The following MAGI1 variants were observed in gnomAD, a reference collection of about 807,000 sequenced individuals.
The protein encoded by MAGI1 is membrane associated guanylate kinase, WW and PDZ domain containing 1.
Under a neutral mutation model 139.9 loss-of-function variants are expected in MAGI1, and 58 were observed. That is an observed-to-expected ratio of 0.41 (90% CI 0.34 to 0.52). The LOEUF is 0.52. Among genes scored for constraint, MAGI1 ranks in the 20% least tolerant of loss-of-function variants. The pLI, the probability that MAGI1 is intolerant of heterozygous loss-of-function variation, is 0.12. For missense variants in MAGI1, 1,874 were observed against 1,901.6 expected (o/e 0.99, Z 0.27); for synonymous variants, 812 against 737.9 (o/e 1.10, Z -1.63).
intron 1 of MAGI1, among the ~76,000 whole-genome samples, chr3:65,931,655 C>T (rs917414422): frequency 6.6e-6 from 1 of 152,168 alleles, no homozygotes; most frequent in Non-Finnish European, 1.5e-5. Context: ...CAGAGAAAGA[C>T]CTTGTCTCAA....
chr3:65,757,401 T>C (rs755823733), intron 1 of MAGI1, among the ~76,000 whole-genome samples: 2 of 152,166 alleles, frequency 1.3e-5, no homozygotes, highest in Non-Finnish European at 2.9e-5. Flanking sequence ...TCCCAACACA[T>C]TGGGAGGCTG....
intron 1 of MAGI1, among the ~76,000 whole-genome samples, chr3:65,790,892 T>C (rs144588625): frequency 0.01 from 1,575 of 152,190 alleles, 34 homozygotes; most frequent in African/African-American, 0.036. Flanking sequence ...CTGGCCAACA[T>C]GGTAAAATCC....
intron 1 of MAGI1, among the ~76,000 whole-genome samples, chr3:65,962,159 G>T (rs1455103958): frequency 7.4e-6 from 1 of 135,460 alleles, no homozygotes; most frequent in Non-Finnish European, 1.5e-5. Context: ...GTCTCTCTCT[G>T]TCGCCCAGGC....
chr3:65,835,426 T>C (rs2042751771), intron 1 of MAGI1, among the ~76,000 whole-genome samples: 1 of 152,226 alleles, frequency 6.6e-6, no homozygotes, highest in Non-Finnish European at 1.5e-5. Context: ...ATGACAAATG[T>C]ACCAGCAAGT....
In MAGI1 at chr3:65,749,795, T is replaced by G. The variant is rs987027506; in HGVS notation, c.314-127707A>C. Among the ~76,000 whole-genome samples, 26 of 151,572 alleles carry G rather than the reference T, an allele frequency of 1.7e-4. 1 individual carries two copies. Among genetic ancestry groups the G allele is most frequent in the African/African-American group, 7.3e-5 (3 of 41,236 alleles). Reference sequence around the variant, plus strand: ...GTTATAGCCAGTAGAAATGATACGCTGAATCAAATGCTGACCAAGCAAACA... The same window carrying G: ...GTTATAGCCAGTAGAAATGATACGCGGAATCAAATGCTGACCAAGCAAACA... On this transcript the variant is annotated intron_variant, in intron 1 of 22. Coordinates refer to ENST00000402939, the MANE Select transcript of MAGI1 (RefSeq NM_001033057.2).
At chr3:65,761,000 G>A (rs1049617649) in intron 1 of MAGI1, among the ~76,000 whole-genome samples, 2 of 152,082 alleles carry the variant, frequency 1.3e-5, no homozygotes, top group Non-Finnish European at 2.9e-5. Context: ...CATATGTAGC[G>A]CCCATAGACG....
intron 2 of MAGI1, among the ~76,000 whole-genome samples, chr3:65,585,273 A>G (rs555572384): frequency 3.3e-5 from 5 of 152,362 alleles, no homozygotes; most frequent in African/African-American, 7.2e-5. Context: ...AGGCAAATCA[A>G]TGGTGAGCAG....
intron 1 of MAGI1, among the ~76,000 whole-genome samples, chr3:65,657,175 A>C (rs1177297067): frequency 1.3e-5 from 2 of 152,162 alleles, no homozygotes; most frequent in Non-Finnish European, 2.9e-5. Context: ...CCCCAACTTA[A>C]AGATAAGGAA....
At chr3:65,884,559 T>C (rs61302658) in intron 1 of MAGI1, among the ~76,000 whole-genome samples, 209 of 152,366 alleles carry the variant, frequency 1.4e-3, no homozygotes, top group African/African-American at 4.5e-3. Flanking sequence ...ATTAAACAAC[T>C]AATTTTGCTA....
At chr3:65,374,451 G>A (rs898588851) in intron 18 of MAGI1, among the ~76,000 whole-genome samples, 5 of 150,832 alleles carry the variant, frequency 3.3e-5, no homozygotes, top group Admixed American at 6.6e-5. Context: ...CCAAGTAGCT[G>A]GGACTACAGG....
chr3:65,881,661 A>C (rs899931314), intron 1 of MAGI1, among the ~76,000 whole-genome samples: 2 of 152,148 alleles, frequency 1.3e-5, no homozygotes, highest in African/African-American at 4.8e-5. Context: ...CCATATGAGT[A>C]TAATAAGCTC....
chr3:65,737,353 G>T (rs141188854), intron 1 of MAGI1, among the ~76,000 whole-genome samples: 1 of 152,178 alleles, frequency 6.6e-6, no homozygotes, highest in Non-Finnish European at 1.5e-5. Context: ...GGACGGACGG[G>T]TGGATGGATG....
At chr3:66,037,595 G>A (rs2069006569) in intron 1 of MAGI1, among the ~76,000 whole-genome samples, 1 of 152,138 alleles carries the variant, frequency 6.6e-6, no homozygotes, top group Non-Finnish European at 1.5e-5. Flanking sequence ...CCACTCAGCA[G>A]GTATGGAAAC....
chr3:65,960,392 C>G (rs1172907090), intron 1 of MAGI1, among the ~76,000 whole-genome samples: 1 of 152,170 alleles, frequency 6.6e-6, no homozygotes, highest in East Asian at 1.9e-4. Flanking sequence ...AATCATAGTT[C>G]ACATTTCACA....
intron 12 of MAGI1, among the ~76,000 whole-genome samples, chr3:65,405,911 A>G (rs1261044143): frequency 7.0e-6 from 1 of 142,670 alleles, no homozygotes; most frequent in East Asian, 2.1e-4. Context: ...TATTTTTAGT[A>G]GAGATGGGGT....
intron 1 of MAGI1, among the ~76,000 whole-genome samples, chr3:65,737,035 T>C (rs1005237807): frequency 1.3e-5 from 2 of 151,884 alleles, no homozygotes; most frequent in Non-Finnish European, 2.9e-5. Context: ...AGACGGAGTC[T>C]CGCTCTGTCC....
At chr3:65,959,598 A>AT (rs199630517) in intron 1 of MAGI1, among the ~76,000 whole-genome samples, 4 of 137,846 alleles carry the variant, frequency 2.9e-5, no homozygotes, top group Non-Finnish European at 6.2e-5. Flanking sequence ...CCATCCCAGC[A>AT]TTTTTATTAT....
intron 2 of MAGI1, among the ~76,000 whole-genome samples, chr3:65,610,742 G>A (rs375899039): frequency 1.6e-5 from 2 of 121,318 alleles, no homozygotes. Flanking sequence ...ATAGTATATA[G>A]TATATATACA....
At position 65,464,977 on chromosome 3, in the gene MAGI1, C is replaced by T. The variant is rs931554692; in HGVS notation, c.959+5306G>A. On this transcript the variant is annotated intron_variant, in intron 5 of 22. Coordinates refer to ENST00000402939, the MANE Select transcript of MAGI1 (RefSeq NM_001033057.2). The stretch of plus-strand genomic sequence containing the variant: ...TTAGGTACTACATTACATATATATG[C>T]ACACATTTTATATATATATATATAT... Among the ~76,000 whole-genome samples the T allele has an allele frequency of 2.1e-5, 3 of 145,114 alleles. No individual in the cohort carries two copies. In the Admixed American group the frequency reaches 2.1e-4, roughly 10 times the overall value.
Sources: allele counts gnomAD v4.1 joint callset (sites outside exome capture counted in the v4.1 genomes callset), GRCh38; gene constraint gnomAD v4.1.1; transcripts MANE v1.5; gene names NCBI Gene and HGNC (gene_info 2026-07-23, HGNC 2026-07-21).